TPP2: variants seen among roughly 807,000 people sequenced by gnomAD.
TPP2 encodes tripeptidyl peptidase 2, also known as tripeptidyl-peptidase 2.
A neutral mutation model predicts 155.9 loss-of-function variants in TPP2; 34 were observed. The ratio of observed to expected loss-of-function variants is 0.22; its 90% CI spans 0.17 to 0.29. TPP2 has a LOEUF of 0.29. TPP2 is among the 10% of genes least tolerant of loss of function. The pLI is 1.00. For missense variants in TPP2, 1,028 were observed against 1,522.3 expected, an observed-to-expected ratio of 0.68 and a Z score of 5.40; for synonymous variants, 510 against 529.4, an observed-to-expected ratio of 0.96 and a Z score of 0.50.
In TPP2 at chr13:102,678,558, C is replaced by G. The variant is rs1358716529; in HGVS notation, c.*242C>G. ...TTGCTGGCACGGGGATGTGCCCTGC[C>G]TGCCAGCACCTAGGACTTCGAGTTG... On this transcript the variant is annotated 3_prime_UTR_variant, in exon 30 of 30. Coordinates refer to ENST00000376052, the MANE Select transcript of TPP2 (RefSeq NM_001330588.2). The G allele has an allele frequency of 2.6e-6, 1 of 384,644 alleles. No homozygotes were observed. The highest frequency in any genetic ancestry group is 2.0e-5 in the African/African-American group (1 of 49,010). 23.8% of individuals were successfully genotyped at this position (384,644 alleles called of 1,614,324 possible).
intron 19 of TPP2, 25 bp from the exon 20 acceptor site, chr13:102,646,269 C>T (rs1349717218): frequency 3.8e-6 from 6 of 1,569,674 alleles, no homozygotes; most frequent in Non-Finnish European, 3.5e-6. Flanking sequence ...TGAATCAAAC[C>T]AGTTATGTAG....
intron 6 of TPP2, among the ~76,000 whole-genome samples, chr13:102,625,431 T>G (rs1009549166): frequency 2.4e-4 from 37 of 152,148 alleles, no homozygotes; most frequent in African/African-American, 8.7e-4. Context: ...CCCAAAGTGC[T>G]GGGATTACAG....
chr13:102,656,217 A>G (rs527869307), intron 24 of TPP2, among the ~76,000 whole-genome samples: 35 of 152,238 alleles, frequency 2.3e-4, no homozygotes, highest in Non-Finnish European at 7.4e-5. Context: ...ATCTTTAATC[A>G]TGTCACTGTC....
intron 4 of TPP2, among the ~76,000 whole-genome samples, chr13:102,617,300 A>G (rs1052313926): frequency 6.6e-5 from 10 of 152,192 alleles, no homozygotes; most frequent in Non-Finnish European, 1.2e-4. Flanking sequence ...TTAGACCTCA[A>G]GGTCCTTGTT....
chr13:102,647,462 T>C (rs1458505188), intron 21 of TPP2, 118 bp downstream of exon 21: 1 of 1,315,484 alleles, frequency 7.6e-7, no homozygotes, highest in Non-Finnish European at 1.0e-6. Context: ...TATAGCTTTG[T>C]GTTTAGTACT....
intron 25 of TPP2, 27 bp downstream of exon 25, chr13:102,657,234 T>G (rs1246117545): frequency 1.3e-6 from 2 of 1,530,266 alleles, no homozygotes; most frequent in African/African-American, 2.8e-5. Flanking sequence ...ATTTTAATTC[T>G]TTAAATGTTT....
At chr13:102,654,854 C>G (rs1883748980) in intron 24 of TPP2, 1 of 427,998 alleles carries the variant, frequency 2.3e-6, no homozygotes, top group Non-Finnish European at 4.7e-6. Context: ...GGTAGAAGAT[C>G]AGCTCAGATT....
chr13:102,655,914 A>G (rs774808653), intron 24 of TPP2, among the ~76,000 whole-genome samples: 1 of 151,722 alleles, frequency 6.6e-6, no homozygotes, highest in Non-Finnish European at 1.5e-5. Flanking sequence ...TTTCTCACTC[A>G]CAGAGCTGCT....
At chr13:102,641,719 T>TA (rs1437839060) in intron 16 of TPP2, among the ~76,000 whole-genome samples, 1 of 152,170 alleles carries the variant, frequency 6.6e-6, no homozygotes, top group Admixed American at 6.5e-5. Context: ...TAGCAAAAGC[T>TA]GAGAGCTAAA....
chr13:102,621,729 A>G (rs1031617880), intron 5 of TPP2, among the ~76,000 whole-genome samples: 6 of 152,208 alleles, frequency 3.9e-5, no homozygotes, highest in Non-Finnish European at 8.8e-5. Context: ...GACAGTGGAA[A>G]TAGGCGGACA....
At chr13:102,623,916 A>G (rs575419384) in intron 6 of TPP2, among the ~76,000 whole-genome samples, 16 of 152,152 alleles carry the variant, frequency 1.1e-4, no homozygotes, top group Non-Finnish European at 2.1e-4. Flanking sequence ...CATGACTTCT[A>G]ATACCTTATA....
At chr13:102,597,978 CTTT>C (rs113327947) in intron 1 of TPP2, among the ~76,000 whole-genome samples, 12 of 146,084 alleles carry the variant, frequency 8.2e-5, no homozygotes, top group African/African-American at 2.7e-4. Context: ...AAATATGCGA[CTTT>C]TTTTTTTTTA....
At chr13:102,600,915 C>T (rs1057018410) in intron 1 of TPP2, among the ~76,000 whole-genome samples, 5 of 151,298 alleles carry the variant, frequency 3.3e-5, no homozygotes, top group African/African-American at 1.2e-4. Context: ...CAGGGTCTCA[C>T]TCTGTCACCC....
chr13:102,623,073 G>A lies in TPP2; in HGVS notation c.784+33G>A, dbSNP rs1272070056. On this transcript the variant is annotated intron_variant, in intron 6 of 29. Transcript: ENST00000376052. ...ATTTCAGATTGACCAATGAGATATA[G>A]ATTTATGAGGTGATAAAGTGGTACG... 1.9e-6 allele frequency: 3 copies of A among 1,589,028 alleles called. No individual in the cohort carries two copies. The Admixed American group carries it at 5.4e-5, about 29-fold the overall frequency.
intron 11 of TPP2, 116 bp downstream of exon 11, chr13:102,634,214 T>G: frequency 7.3e-7 from 1 of 1,377,504 alleles, no homozygotes; most frequent in Non-Finnish European, 1.0e-6. Context: ...AAAGTAGAGT[T>G]TAAGGTAACG....
At chr13:102,652,116 C>T (rs1030697248) in intron 24 of TPP2, among the ~76,000 whole-genome samples, 6 of 152,136 alleles carry the variant, frequency 3.9e-5, no homozygotes, top group African/African-American at 1.4e-4. Context: ...TGACTCATGC[C>T]TGTAATCCCG....
intron 25 of TPP2, among the ~76,000 whole-genome samples, chr13:102,661,449 C>T (rs965077060): frequency 2.6e-5 from 4 of 151,844 alleles, no homozygotes; most frequent in African/African-American, 9.7e-5. Flanking sequence ...CACTATGTTG[C>T]CCAGGCTAGT....
intron 15 of TPP2, among the ~76,000 whole-genome samples, chr13:102,638,617 G>A (rs534382137): frequency 1.3e-5 from 2 of 152,230 alleles, no homozygotes; most frequent in Admixed American, 1.3e-4. Context: ...CGTCTGACCC[G>A]ATCCCACTGT....
intron 24 of TPP2, chr13:102,654,971 A>AGT (rs1349663868): frequency 7.9e-6 from 4 of 507,264 alleles, no homozygotes; most frequent in South Asian, 4.4e-5. Flanking sequence ...TAGCCCAAGC[A>AGT]ATAGACCTGT....
Sources: gnomAD v4.1 joint callset for allele counts (sites outside exome capture counted in the v4.1 genomes callset) on GRCh38, gnomAD v4.1.1 for gene constraint, MANE v1.5 for transcripts, NCBI Gene and HGNC (gene_info 2026-07-23, HGNC 2026-07-21) for gene names.